CACNA2D2: variants seen among roughly 807,000 people sequenced by gnomAD.
CACNA2D2 encodes the protein voltage-dependent calcium channel subunit alpha-2/delta-2.
A neutral mutation model predicts 166.4 loss-of-function variants in CACNA2D2; 48 were observed. The observed-to-expected ratio is 0.29, with a 90% CI of 0.23 to 0.37. The LOEUF (loss-of-function observed/expected upper bound fraction) is 0.37, where lower values mean the gene tolerates loss of function less well. Ranked by LOEUF, CACNA2D2 falls within the 10% of genes least tolerant of loss-of-function variation. The probability of loss-of-function intolerance (pLI) is 1.00; values close to 1 mark genes in which losing one functional copy is unlikely to be tolerated. For missense variants in CACNA2D2, 1,122 were observed against 1,433.0 expected, an observed-to-expected ratio of 0.78 and a Z score of 3.50; for synonymous variants, 561 against 573.7, an observed-to-expected ratio of 0.98 and a Z score of 0.32.
chr3:50,383,226 G>T (rs1254124552), intron 6 of CACNA2D2, among the ~76,000 whole-genome samples: 2 of 152,164 alleles, frequency 1.3e-5, no homozygotes, highest in African/African-American at 4.8e-5. Context: ...GTGGGGAGCA[G>T]GGGGGAGCAT....
At chr3:50,391,136 C>T (rs1388763438) in intron 4 of CACNA2D2, among the ~76,000 whole-genome samples, 1 of 152,230 alleles carries the variant, frequency 6.6e-6, no homozygotes, top group African/African-American at 2.4e-5. Context: ...CCTGGCCCAG[C>T]CCCCTCACAG....
At chr3:50,502,411 C>T (rs1699011460) in intron 1 of CACNA2D2, among the ~76,000 whole-genome samples, 1 of 152,236 alleles carries the variant, frequency 6.6e-6, no homozygotes, top group Non-Finnish European at 1.5e-5. Context: ...GCCCCAGACA[C>T]ATCTGGCTAA....
rs1553726200 is a variant in CACNA2D2, at chr3:50,367,482, C to T, written c.2313G>A (p.Trp771Ter). Residue 771 changes from tryptophan to a stop codon, truncating the protein, a stop_gained, in exon 27 of 38, where the codon TGG (tryptophan) becomes TGA (stop). Coordinates refer to ENST00000424201, the MANE Select transcript of CACNA2D2 (RefSeq NM_006030.4). LOFTEE classifies it high-confidence loss of function. This position sits in a 1 kb window ranked among gnomAD's most constrained non-coding sequence, Gnocchi z 6.5. ...CATTGAAGGGCTCAGGGTTCTCTGTCCAGTCCTCAGCTGCCCTGGAGCACC... is the reference window on the plus strand; with the variant it reads ...CATTGAAGGGCTCAGGGTTCTCTGTTCAGTCCTCAGCTGCCCTGGAGCACC... ...RVFPNKAAED[W>*]TENPEPFNAS... is the part of the protein sequence containing the mutation. The T allele has an allele frequency of 6.2e-7, 1 of 1,613,776 alleles. No homozygotes were observed. Among genetic ancestry groups the T allele is most frequent in the Non-Finnish European group, 8.5e-7 (1 of 1,179,990 alleles).
intron 3 of CACNA2D2, among the ~76,000 whole-genome samples, chr3:50,395,714 G>C (rs1488599317): frequency 6.6e-6 from 1 of 152,216 alleles, no homozygotes; most frequent in South Asian, 2.1e-4. Flanking sequence ...AGGGCAGGGA[G>C]GAAGGTGGGG....
At chr3:50,458,797 A>G (rs1709474310) in intron 2 of CACNA2D2, among the ~76,000 whole-genome samples, 1 of 152,266 alleles carries the variant, frequency 6.6e-6, no homozygotes, top group Non-Finnish European at 1.5e-5. Flanking sequence ...GCCCACTGCT[A>G]GCAGCAATGG....
chr3:50,469,212 TC>T (rs1366699941), intron 2 of CACNA2D2, among the ~76,000 whole-genome samples: 1 of 152,076 alleles, frequency 6.6e-6, no homozygotes, highest in Non-Finnish European at 1.5e-5. Context: ...CTCACAGTCT[TC>T]CGGGGTATAG....
intron 3 of CACNA2D2, among the ~76,000 whole-genome samples, chr3:50,412,163 C>T (rs1707049471): frequency 6.6e-6 from 1 of 152,234 alleles, no homozygotes; most frequent in Non-Finnish European, 1.5e-5. Flanking sequence ...TGCAATTTTA[C>T]TGGATGTGCT....
At chr3:50,477,900 C>T (rs905502377) in intron 1 of CACNA2D2, among the ~76,000 whole-genome samples, 7 of 152,288 alleles carry the variant, frequency 4.6e-5, no homozygotes, top group South Asian at 4.1e-4. Context: ...TCTACCTGGC[C>T]TCCTGCCCTG....
rs1338311831 is a variant in CACNA2D2, at chr3:50,379,155, G to A, written c.1197C>T (p.Phe399=). 1.2e-6 allele frequency: 2 copies of A among 1,613,996 alleles called. No homozygotes were observed. The highest frequency in any genetic ancestry group is 1.7e-6 in the Non-Finnish European group (2 of 1,179,984). Residue 399 remains phenylalanine (F), a synonymous_variant, in exon 12 of 38, where the codon TTC becomes TTT. Transcript: ENST00000424201. This position sits in a 1 kb window ranked among gnomAD's most constrained non-coding sequence, Gnocchi z 6.5. The stretch of plus-strand genomic sequence containing the variant: ...GCACGCGGTCCTCACCACCATCCGT[G>A]AACATCATGATCATCTTGTTGCAGT... The part of the protein sequence containing the change: ...RANCNKMIMM[F]TDGGEDRVQD...
chr3:50,476,112 G>T lies in CACNA2D2; in HGVS notation c.288+6C>A. ...CTGAAGAGACAGCAAGTGGCACCGG[G>T]CTCACCTCACGGAGCTGCTGGACGC... On this transcript the variant is annotated splice_donor_region_variant and intron_variant, in intron 2 of 37. Transcript: ENST00000424201. 6.3e-7 allele frequency: 1 copy of T among 1,593,522 alleles called. No individual in the cohort carries two copies. Among genetic ancestry groups the T allele is most frequent in the Non-Finnish European group, 8.5e-7 (1 of 1,169,906 alleles).
At chr3:50,406,713 C>T (rs1390066204) in intron 3 of CACNA2D2, among the ~76,000 whole-genome samples, 1 of 151,762 alleles carries the variant, frequency 6.6e-6, no homozygotes, top group South Asian at 2.1e-4. Flanking sequence ...TCTTCATCTA[C>T]CACCATCAAC....
Position 50,365,543 on chromosome 3 carries a change from C to G in CACNA2D2, c.2972-61G>C, listed in dbSNP as rs1462332313. 1.3e-6 allele frequency: 2 copies of G among 1,598,856 alleles called. No individual in the cohort carries two copies. Among genetic ancestry groups the G allele is most frequent in the African/African-American group, 2.7e-5 (2 of 74,612 alleles). ...GACCCTGGCAAGGTCTCCGGCCTCCCTCAGTCGTAGACCCCACCCTCCCCA... is the reference window on the plus strand; with the variant it reads ...GACCCTGGCAAGGTCTCCGGCCTCCGTCAGTCGTAGACCCCACCCTCCCCA... On this transcript the variant is annotated intron_variant, in intron 34 of 37. Coordinates refer to ENST00000424201, the MANE Select transcript of CACNA2D2 (RefSeq NM_006030.4). This position sits in a 1 kb window ranked among gnomAD's most constrained non-coding sequence, Gnocchi z 4.5.
At chr3:50,392,045 G>A (rs959358322) in intron 4 of CACNA2D2, among the ~76,000 whole-genome samples, 4 of 152,188 alleles carry the variant, frequency 2.6e-5, no homozygotes, top group African/African-American at 9.7e-5. Context: ...CTGAGTTTGA[G>A]GCTAGAATTG....
Position 50,397,119 on chromosome 3 carries a change from C to A in CACNA2D2, c.406-2951G>T, listed in dbSNP as rs552141113. Reference sequence around the variant, plus strand: ...TGGCTCCAGAGCCTAGCAGACAGGGCAAGGGAGACCCAGGGAGGGAGGCCC... The same window carrying A: ...TGGCTCCAGAGCCTAGCAGACAGGGAAAGGGAGACCCAGGGAGGGAGGCCC... On this transcript the variant is annotated intron_variant, in intron 3 of 37. Coordinates refer to ENST00000424201, the MANE Select transcript of CACNA2D2 (RefSeq NM_006030.4). Among the ~76,000 whole-genome samples the A allele has an allele frequency of 2.6e-5, 4 of 152,320 alleles. No individual in the cohort carries two copies. The South Asian group carries it at 8.3e-4, about 32-fold the overall frequency.
intron 22 of CACNA2D2, among the ~76,000 whole-genome samples, chr3:50,372,025 G>A (rs1225317759): frequency 6.6e-6 from 1 of 151,632 alleles, no homozygotes; most frequent in East Asian, 1.9e-4. Flanking sequence ...GGGTGCCCCT[G>A]CTTCCAGGTC....
Position 50,379,300 on chromosome 3 carries a change from C to G in CACNA2D2, c.1153-101G>C, listed in dbSNP as rs587711479. ...GCCTGGACCTCTGGCCCTCCTCCCC[C>G]ACAGCAGATGGAGCTATCTGTCCAA... On this transcript the variant is annotated intron_variant, in intron 11 of 37. Coordinates refer to ENST00000424201, the MANE Select transcript of CACNA2D2 (RefSeq NM_006030.4). This position sits in a 1 kb window ranked among gnomAD's most constrained non-coding sequence, Gnocchi z 6.5. The G allele has an allele frequency of 1.1e-5, 16 of 1,445,570 alleles. No individual in the cohort carries two copies. Among genetic ancestry groups the G allele is most frequent in the Middle Eastern group, 1.7e-4 (1 of 5,770 alleles). The allele number at this position is 1,445,570 out of a possible 1,614,324, so 89.5% of individuals were successfully genotyped here.
At chr3:50,381,277 G>A in intron 6 of CACNA2D2, 151 bp from the exon 7 acceptor site, 1 of 823,738 alleles carries the variant, frequency 1.2e-6, no homozygotes, top group Non-Finnish European at 1.9e-6. Flanking sequence ...GCCCAGCTGG[G>A]GCTGCCCCAG....
intron 3 of CACNA2D2, among the ~76,000 whole-genome samples, chr3:50,423,708 C>T (rs1160965765): frequency 1.3e-5 from 2 of 152,274 alleles, no homozygotes; most frequent in African/African-American, 4.8e-5. Flanking sequence ...TGTCAAGGCA[C>T]AGAGTGGGCA....
Position 50,442,235 on chromosome 3 carries a change from G to C in CACNA2D2, c.289-7806C>G, listed in dbSNP as rs575828843. Among the ~76,000 whole-genome samples the C allele has an allele frequency of 2.0e-4, 30 of 152,296 alleles. No individual in the cohort carries two copies. The South Asian group carries it at 6.0e-3, about 30-fold the overall frequency. On this transcript the variant is annotated intron_variant, in intron 2 of 37. Coordinates refer to ENST00000424201, the MANE Select transcript of CACNA2D2 (RefSeq NM_006030.4). ...AATCCCAAATGGCCCTGGGCAAGGGGGCTGGAGAGGGGGCACACTCCAGTG... is the reference window on the plus strand; with the variant it reads ...AATCCCAAATGGCCCTGGGCAAGGGCGCTGGAGAGGGGGCACACTCCAGTG...
Sources: allele counts gnomAD v4.1 joint callset (sites outside exome capture counted in the v4.1 genomes callset), GRCh38; gene constraint gnomAD v4.1.1; non-coding constraint Gnocchi (gnomAD v3.1); transcripts MANE v1.5; gene names NCBI Gene and HGNC (gene_info 2026-07-23, HGNC 2026-07-21).